The following EIPR1 variants were observed in gnomAD, a reference collection of about 807,000 sequenced individuals.
EIPR1 encodes the protein EARP and GARP complex-interacting protein 1.
Under a neutral mutation model 48.1 loss-of-function variants are expected in EIPR1, and 25 were observed. The ratio of observed to expected loss-of-function variants is 0.52; its 90% CI spans 0.38 to 0.73. The LOEUF is 0.73. Among genes scored for constraint, EIPR1 ranks in the 30% least tolerant of loss-of-function variants. EIPR1 has a pLI of 0.00. For synonymous variants in EIPR1, 204 were observed against 201.9 expected, an observed-to-expected ratio of 1.01 and a Z score of -0.09; for missense variants, 415 against 506.2, an observed-to-expected ratio of 0.82 and a Z score of 1.73.
At chr2:3,374,196 ATCCCT>A (rs1193052728) in intron 1 of EIPR1, among the ~76,000 whole-genome samples, 1 of 148,582 alleles carries the variant, frequency 6.7e-6, no homozygotes, top group Non-Finnish European at 1.5e-5. Flanking sequence ...CTGAAACTGG[ATCCCT>A]TCCTTACACC....
At chr2:3,224,573 C>T (rs1268080476) in intron 4 of EIPR1, among the ~76,000 whole-genome samples, 1 of 152,188 alleles carries the variant, frequency 6.6e-6, no homozygotes, top group Non-Finnish European at 1.5e-5. Flanking sequence ...CTGCCTGCCC[C>T]ATACACAGGC....
chr2:3,353,237 G>A (rs1184077693), intron 2 of EIPR1: 2 of 471,138 alleles, frequency 4.2e-6, no homozygotes, highest in Non-Finnish European at 8.8e-6. Context: ...GGGTGGTCTT[G>A]GAACACATCC....
chr2:3,231,301 C>T (rs1666236196), intron 4 of EIPR1, among the ~76,000 whole-genome samples: 1 of 152,052 alleles, frequency 6.6e-6, no homozygotes, highest in South Asian at 2.1e-4. Flanking sequence ...AATACTTTTT[C>T]CTTTCTGATC....
chr2:3,284,405 G>A (rs1449212671), intron 3 of EIPR1, among the ~76,000 whole-genome samples: 1 of 115,486 alleles, frequency 8.7e-6, no homozygotes, highest in East Asian at 2.4e-4. Flanking sequence ...CGTAAGCTGG[G>A]CACATGGAGA....
At chr2:3,363,600 G>A (rs1670901864) in intron 1 of EIPR1, among the ~76,000 whole-genome samples, 1 of 152,164 alleles carries the variant, frequency 6.6e-6, no homozygotes, top group Admixed American at 6.5e-5. Flanking sequence ...GGAGGCTGAG[G>A]TGGGAGGCTT....
chr2:3,250,838 C>T (rs539166747), intron 4 of EIPR1, among the ~76,000 whole-genome samples: 3 of 152,318 alleles, frequency 2.0e-5, no homozygotes, highest in East Asian at 3.9e-4. Context: ...TCCTGGCTCC[C>T]CCTTCACCTT....
intron 4 of EIPR1, among the ~76,000 whole-genome samples, chr2:3,237,921 C>T (rs919152641): frequency 6.6e-6 from 1 of 152,220 alleles, no homozygotes; most frequent in Non-Finnish European, 1.5e-5. Flanking sequence ...TCAGGCTGAA[C>T]GTGGTGCTGC....
chr2:3,326,556 G>A (rs1669704365), intron 3 of EIPR1, among the ~76,000 whole-genome samples: 1 of 152,172 alleles, frequency 6.6e-6, no homozygotes, highest in Non-Finnish European at 1.5e-5. Context: ...CTGACAGTGG[G>A]TCTCACTCAT....
intron 3 of EIPR1, among the ~76,000 whole-genome samples, chr2:3,329,134 CT>C (rs1254622281): frequency 7.5e-6 from 1 of 132,844 alleles, no homozygotes; most frequent in Non-Finnish European, 1.6e-5. Flanking sequence ...GGGCACCAGC[CT>C]GGGCTCCCCT....
In EIPR1 at chr2:3,189,713, C is replaced by T. The variant is rs943684438; in HGVS notation, c.990-205G>A. Among the ~76,000 whole-genome samples, 1 of 152,150 alleles carries T rather than the reference C, an allele frequency of 6.6e-6. No individual in the cohort carries two copies. Among genetic ancestry groups the T allele is most frequent in the African/African-American group, 2.4e-5 (1 of 41,424 alleles). On this transcript the variant is annotated intron_variant, in intron 8 of 8. Transcript: ENST00000382125. The surrounding 1 kb of genome is among the most constrained non-coding windows in gnomAD (Gnocchi z 4.6). ...GCAGAAGCCCAGAAACCCTCACTGTCACTGTGAGGAGTGGGCATTTCTCAA... is the reference window on the plus strand; with the variant it reads ...GCAGAAGCCCAGAAACCCTCACTGTTACTGTGAGGAGTGGGCATTTCTCAA...
At chr2:3,269,944 T>G (rs561180726) in intron 3 of EIPR1, among the ~76,000 whole-genome samples, 2 of 152,348 alleles carry the variant, frequency 1.3e-5, no homozygotes, top group African/African-American at 4.8e-5. Context: ...AGCCCTTGGC[T>G]TGCACACAGC....
intron 4 of EIPR1, among the ~76,000 whole-genome samples, chr2:3,237,715 G>C (rs1558242807): frequency 6.6e-6 from 1 of 152,206 alleles, no homozygotes; most frequent in Non-Finnish European, 1.5e-5. Context: ...TGAGTCTGCA[G>C]CAGCCTGGAA....
At chr2:3,316,205 C>A (rs1384241299) in intron 3 of EIPR1, among the ~76,000 whole-genome samples, 1 of 151,088 alleles carries the variant, frequency 6.6e-6, no homozygotes, top group Non-Finnish European at 1.5e-5. Flanking sequence ...GTCCCTACCC[C>A]CATTCCACCA....
chr2:3,331,059 G>A (rs569665706), intron 3 of EIPR1, among the ~76,000 whole-genome samples: 3 of 119,324 alleles, frequency 2.5e-5, no homozygotes, highest in East Asian at 3.9e-4. Context: ...TGAGACACAT[G>A]AGCAAAGATG....
intron 5 of EIPR1, among the ~76,000 whole-genome samples, chr2:3,212,452 G>A (rs190971020): frequency 8.5e-5 from 13 of 152,202 alleles, no homozygotes; most frequent in African/African-American, 2.6e-4. Context: ...CAGGAATGGA[G>A]CCCTCTGCCC....
At chr2:3,345,789 C>CAT (rs1272221996) in intron 2 of EIPR1, among the ~76,000 whole-genome samples, 1 of 152,036 alleles carries the variant, frequency 6.6e-6, no homozygotes, top group Non-Finnish European at 1.5e-5. Flanking sequence ...CACGGATGCA[C>CAT]ATGTAGGAAG....
In EIPR1 at chr2:3,197,563, A is replaced by C. The variant is rs573580794; in HGVS notation, c.517-546T>G. On this transcript the variant is annotated intron_variant, in intron 5 of 8. Coordinates refer to ENST00000382125, the MANE Select transcript of EIPR1 (RefSeq NM_003310.5). ...AGCAAGGCCCTCTGGGGCTGGTGTT[A>C]GGGCTAAAACCTCCCCCTGCCTAAA... 2.6e-5 allele frequency among the ~76,000 whole-genome samples: 4 copies of C among 152,338 alleles called. No homozygotes were observed. In the East Asian group the frequency reaches 7.7e-4, roughly 29 times the overall value.
At chr2:3,305,607 C>T (rs1029005337) in intron 3 of EIPR1, among the ~76,000 whole-genome samples, 7 of 152,228 alleles carry the variant, frequency 4.6e-5, no homozygotes, top group Admixed American at 2.0e-4. Context: ...GGACTGGGGC[C>T]ACCTTCACAG....
At chr2:3,326,707 C>A (rs1279701356) in intron 3 of EIPR1, among the ~76,000 whole-genome samples, 1 of 152,166 alleles carries the variant, frequency 6.6e-6, no homozygotes, top group Admixed American at 6.5e-5. Flanking sequence ...GGATGCAGAC[C>A]CAGAGGAATT....
Sources: allele counts gnomAD v4.1 joint callset (sites outside exome capture counted in the v4.1 genomes callset), GRCh38; gene constraint gnomAD v4.1.1; non-coding constraint Gnocchi (gnomAD v3.1); transcripts MANE v1.5; gene names NCBI Gene and HGNC (gene_info 2026-07-23, HGNC 2026-07-21).